Variants in C2CD3 observed in about 807,000 individuals in gnomAD.
C2CD3 encodes the protein C2 domain containing 3 centriole elongation regulator.
A neutral mutation model predicts 234.0 loss-of-function variants in C2CD3; 148 were observed. That is an observed-to-expected ratio of 0.63 (90% CI 0.55 to 0.72). The LOEUF (loss-of-function observed/expected upper bound fraction) is 0.72, where lower values mean the gene tolerates loss of function less well. C2CD3 is among the 30% of genes least tolerant of loss of function. The pLI, the probability that C2CD3 is intolerant of heterozygous loss-of-function variation, is 0.00. For missense variants in C2CD3, 2,577 were observed against 2,811.5 expected (o/e 0.92, Z 1.89); for synonymous variants, 1,000 against 1,035.4 (o/e 0.97, Z 0.66).
rs539206970 is a variant in C2CD3 at position 74,105,359 on chromosome 11, C to T, written c.2085+1012G>A. On this transcript the variant is annotated intron_variant, in intron 13 of 32. Transcript: ENST00000334126. ...AACCTTGGCTCATTGCAACCTCTGC[C>T]TCCTGGGTTCAAACGATTTTTGTGT... is the stretch of plus-strand genomic sequence containing the variant. 1.1e-3 allele frequency among the ~76,000 whole-genome samples: 164 copies of T among 152,232 alleles called. 2 individuals are homozygous for T. Among genetic ancestry groups the T allele is most frequent in the South Asian group, 1.5e-3 (7 of 4,824 alleles).
intron 23 of C2CD3, among the ~76,000 whole-genome samples, chr11:74,077,671 T>G (rs1186002782): frequency 6.7e-5 from 10 of 149,176 alleles, no homozygotes; most frequent in Non-Finnish European, 1.5e-4. Context: ...GAAAAATACC[T>G]AATGTAGGTG....
chr11:74,039,132 G>A (rs746380082), intron 29 of C2CD3, among the ~76,000 whole-genome samples: 2 of 152,180 alleles, frequency 1.3e-5, no homozygotes, highest in Non-Finnish European at 2.9e-5. Context: ...ACATCTGCAG[G>A]AGGAACATGC....
At chr11:74,062,635 G>A (rs1156500744) in intron 24 of C2CD3, among the ~76,000 whole-genome samples, 1 of 152,008 alleles carries the variant, frequency 6.6e-6, no homozygotes, top group East Asian at 1.9e-4. Context: ...GTGTGTAGAG[G>A]GAAATTTATA....
In C2CD3 at chr11:74,013,405, G is replaced by T; in HGVS notation, c.7042C>A (p.Gln2348Lys). The T allele has an allele frequency of 8.2e-7, 1 of 1,218,566 alleles. No homozygotes were observed. The highest frequency in any genetic ancestry group is 1.1e-6 in the Non-Finnish European group (1 of 922,218). The allele number at this position is 1,218,566 out of a possible 1,614,324, so 75.5% of individuals were successfully genotyped here. The change falls in exon 33 of 33, where the codon CAG becomes AAG. Residue 2348 changes from glutamine (Q) to lysine (K), a missense_variant. By Grantham distance (53) the Gln-to-Lys change is moderately conservative (BLOSUM62 1). Coordinates refer to ENST00000334126, the MANE Select transcript of C2CD3 (RefSeq NM_001286577.2). ...CTGCGTCAGTCTTTCTGGGAGTACT[G>T]AGAAGAAAATATCCGTGCAATCCTG... is the stretch of plus-strand genomic sequence containing the variant. ...TLRIARIFSSQYSQKD is the reference protein window; with the variant it reads ...TLRIARIFSSKYSQKD
intron 30 of C2CD3, chr11:74,034,499 G>A (rs1055178): frequency 0.013 from 21,285 of 1,593,866 alleles, 232 homozygotes; most frequent in African/African-American, 0.049. Flanking sequence ...CTATAGTTGT[G>A]GATACATCTG....
chr11:74,117,392 G>A (rs1234202120), intron 9 of C2CD3, among the ~76,000 whole-genome samples: 26 of 73,506 alleles, frequency 3.5e-4, no homozygotes, highest in South Asian at 8.2e-4. Context: ...ATATATATAT[G>A]GAATACTACT....
chr11:74,119,676 C>A (rs1957147235), intron 8 of C2CD3, among the ~76,000 whole-genome samples: 1 of 148,418 alleles, frequency 6.7e-6, no homozygotes, highest in African/African-American at 2.5e-5. Flanking sequence ...CAGTCTGTTG[C>A]CCAGGCTGGA....
chr11:74,064,237 A>G lies in C2CD3; in HGVS notation c.4952-6693T>C, dbSNP rs192512045. Among the ~76,000 whole-genome samples, 188 of 152,210 alleles carry G rather than the reference A, an allele frequency of 1.2e-3. 1 individual carries two copies. Among genetic ancestry groups the G allele is most frequent in the Admixed American group, 2.5e-3 (38 of 15,274 alleles). On this transcript the variant is annotated intron_variant, in intron 24 of 32. Transcript: ENST00000334126. Reference sequence around the variant, plus strand: ...ATAAGCAACTTCAGCAAAGTCTCAGAATACAAAATCAATGTGCAAAAATCA... The same window carrying G: ...ATAAGCAACTTCAGCAAAGTCTCAGGATACAAAATCAATGTGCAAAAATCA...
At chr11:74,134,062 C>T (rs1268786062) in intron 5 of C2CD3, among the ~76,000 whole-genome samples, 1 of 152,094 alleles carries the variant, frequency 6.6e-6, no homozygotes, top group Non-Finnish European at 1.5e-5. Context: ...ACAACAATAG[C>T]AGCAACACAA....
At chr11:74,021,817 G>A (rs1952097525) in intron 32 of C2CD3, among the ~76,000 whole-genome samples, 2 of 152,182 alleles carry the variant, frequency 1.3e-5, no homozygotes, top group Admixed American at 1.3e-4. Context: ...GCAAGTATAA[G>A]TGAGACTGGT....
At position 74,027,688 on chromosome 11, in the gene C2CD3, A is replaced by C. The variant is rs552339737; in HGVS notation, c.6921+599T>G. 4.6e-5 allele frequency among the ~76,000 whole-genome samples: 7 copies of C among 152,358 alleles called. 1 individual carries two copies. In the South Asian group the frequency reaches 1.4e-3, roughly 32 times the overall value. On this transcript the variant is annotated intron_variant, in intron 32 of 32. Transcript: ENST00000334126. Reference sequence around the variant, plus strand: ...ATTTACTACTATATGCTCAGTATCCAGCATGACACCTGATACAGGGTAGGT... The same window carrying C: ...ATTTACTACTATATGCTCAGTATCCCGCATGACACCTGATACAGGGTAGGT...
At chr11:74,080,549 AT>A (rs1955301366) in intron 22 of C2CD3, among the ~76,000 whole-genome samples, 1 of 152,228 alleles carries the variant, frequency 6.6e-6, no homozygotes, top group Admixed American at 6.5e-5. Context: ...AACTGCACAG[AT>A]TATTAGATGG....
Position 74,124,347 on chromosome 11 carries a change from C to A in C2CD3, c.1218-1212G>T, listed in dbSNP as rs573190517. Reference sequence around the variant, plus strand: ...GTGTTCTTATATTATTTTGAACAAGCAGATAGTTAACATTCCCTTCCTCAC... The same window carrying A: ...GTGTTCTTATATTATTTTGAACAAGAAGATAGTTAACATTCCCTTCCTCAC... On this transcript the variant is annotated intron_variant, in intron 7 of 32. Transcript: ENST00000334126. Among the ~76,000 whole-genome samples, 48 of 152,026 alleles carry A rather than the reference C, an allele frequency of 3.2e-4. 2 individuals are homozygous for A. Among genetic ancestry groups the A allele is most frequent in the Non-Finnish European group, 1.5e-5 (1 of 68,014 alleles).
chr11:74,128,159 A>T (rs1957480311), intron 7 of C2CD3, among the ~76,000 whole-genome samples: 1 of 152,224 alleles, frequency 6.6e-6, no homozygotes, highest in Non-Finnish European at 1.5e-5. Context: ...CACCACGCCC[A>T]GCCATATTGG....
intron 5 of C2CD3, among the ~76,000 whole-genome samples, chr11:74,136,449 A>G (rs750269089): frequency 4.5e-4 from 69 of 152,322 alleles, no homozygotes; most frequent in Non-Finnish European, 9.0e-4. Context: ...GGCCTAGGTA[A>G]ACAATGAACC....
At chr11:74,042,898 CA>C (rs1953144937) in intron 28 of C2CD3, among the ~76,000 whole-genome samples, 2 of 152,242 alleles carry the variant, frequency 1.3e-5, no homozygotes, top group Non-Finnish European at 2.9e-5. Context: ...ATGTGATTAT[CA>C]CCATTCCTTT....
chr11:74,143,771 T>C (rs867806875), intron 3 of C2CD3, among the ~76,000 whole-genome samples: 6 of 151,960 alleles, frequency 3.9e-5, no homozygotes, highest in Non-Finnish European at 8.8e-5. Flanking sequence ...GCCCTCTGGT[T>C]TTGGTATTAA....
chr11:74,047,037 G>A (rs1953410055), intron 28 of C2CD3, among the ~76,000 whole-genome samples: 1 of 152,184 alleles, frequency 6.6e-6, no homozygotes, highest in Non-Finnish European at 1.5e-5. Flanking sequence ...AAATTAGAAA[G>A]CTAAAGCTCA....
chr11:74,032,069 T>C (rs1400339767), intron 31 of C2CD3, among the ~76,000 whole-genome samples: 1 of 152,184 alleles, frequency 6.6e-6, no homozygotes, highest in African/African-American at 2.4e-5. Flanking sequence ...CCAATCTACA[T>C]TTACCAATCC....
Sources: gnomAD v4.1 joint callset for allele counts (sites outside exome capture counted in the v4.1 genomes callset) on GRCh38, gnomAD v4.1.1 for gene constraint, MANE v1.5 for transcripts, NCBI Gene and HGNC (gene_info 2026-07-23, HGNC 2026-07-21) for gene names.